Variants in ATP8A2 observed in about 807,000 individuals in gnomAD.
The protein encoded by ATP8A2 is phospholipid-transporting ATPase IB.
ATP8A2 carries 100 observed loss-of-function variants against 165.6 expected under a neutral mutation model. That is an observed-to-expected ratio of 0.60 (90% confidence interval 0.51 to 0.71). The LOEUF (loss-of-function observed/expected upper bound fraction) is 0.71, where lower values mean the gene tolerates loss of function less well. ATP8A2 is among the 30% of genes least tolerant of loss of function. ATP8A2 has a pLI of 0.00. For synonymous variants in ATP8A2, 543 were observed against 548.8 expected (o/e 0.99, Z 0.15); for missense variants, 1,227 against 1,479.5 (o/e 0.83, Z 2.80).
At chr13:25,811,145 T>C (rs558285335) in intron 27 of ATP8A2, among the ~76,000 whole-genome samples, 297 of 152,290 alleles carry the variant, frequency 2.0e-3, no homozygotes, top group African/African-American at 6.5e-3. Context: ...TGGAGTTTTT[T>C]CCCTCTTAAC....
At chr13:25,487,678 C>A (rs1219535523) in intron 2 of ATP8A2, among the ~76,000 whole-genome samples, 2 of 152,162 alleles carry the variant, frequency 1.3e-5, no homozygotes, top group African/African-American at 4.8e-5. Flanking sequence ...AGGTAAGGTG[C>A]ATATCGAATA....
intron 33 of ATP8A2, among the ~76,000 whole-genome samples, chr13:25,951,002 A>T (rs1955340209): frequency 1.3e-5 from 2 of 152,148 alleles, no homozygotes; most frequent in African/African-American, 4.8e-5. Flanking sequence ...GCTGCTGAGG[A>T]TGTGGAGCAA....
At chr13:25,568,901 T>C (rs1280412344) in intron 16 of ATP8A2, among the ~76,000 whole-genome samples, 1 of 152,118 alleles carries the variant, frequency 6.6e-6, no homozygotes, top group Non-Finnish European at 1.5e-5. Flanking sequence ...TAGAATGCAA[T>C]AGGAAGAAAA....
chr13:25,402,716 T>C (rs1422325422), intron 1 of ATP8A2, among the ~76,000 whole-genome samples: 2 of 152,216 alleles, frequency 1.3e-5, no homozygotes, highest in African/African-American at 4.8e-5. Context: ...GATTTGGCCC[T>C]GAGGGCTCCG....
chr13:25,838,786 C>T (rs1417039773), intron 29 of ATP8A2, among the ~76,000 whole-genome samples: 1 of 151,636 alleles, frequency 6.6e-6, no homozygotes, highest in Non-Finnish European at 1.5e-5. Context: ...CCAAGATGGC[C>T]GAATAGGAAT....
intron 24 of ATP8A2, among the ~76,000 whole-genome samples, chr13:25,612,135 A>G (rs964549249): frequency 6.6e-6 from 1 of 151,868 alleles, no homozygotes; most frequent in Non-Finnish European, 1.5e-5. Flanking sequence ...AATTTTATTT[A>G]GTTATGCTCT....
chr13:25,961,681 G>A lies in ATP8A2; in HGVS notation c.3272+18G>A. ...TGGAGAGCGTAAGTTTAACAGTGAA[G>A]CGGGGACCCTAAGTCTGGCTCATCT... On this transcript the variant is annotated intron_variant, in intron 34 of 36. Coordinates refer to ENST00000381655, the MANE Select transcript of ATP8A2 (RefSeq NM_016529.6). The A allele has an allele frequency of 6.3e-7, 1 of 1,583,290 alleles. No individual in the cohort carries two copies. The highest frequency in any genetic ancestry group is 8.7e-7 in the Non-Finnish European group (1 of 1,152,004).
rs145020139 is a variant in ATP8A2, at chr13:25,886,725, G to A, written c.3183+24317G>A. On this transcript the variant is annotated intron_variant, in intron 33 of 36. Coordinates refer to ENST00000381655, the MANE Select transcript of ATP8A2 (RefSeq NM_016529.6). Reference sequence around the variant, plus strand: ...TGCCATCTGATAGCTGTTCCATAGCGTATAGGAAAACAGCTGAGACTCAGG... The same window carrying A: ...TGCCATCTGATAGCTGTTCCATAGCATATAGGAAAACAGCTGAGACTCAGG... Among the ~76,000 whole-genome samples, 236 of 152,310 alleles carry A rather than the reference G, an allele frequency of 1.5e-3. 1 individual carries two copies. Among genetic ancestry groups the A allele is most frequent in the African/African-American group, 5.2e-3 (217 of 41,566 alleles).
chr13:25,612,170 G>T (rs561720594), intron 24 of ATP8A2, among the ~76,000 whole-genome samples: 125 of 151,588 alleles, frequency 8.2e-4, no homozygotes, highest in Middle Eastern at 3.4e-3. Flanking sequence ...CTTTTTTTCT[G>T]CTGGGTTTGG....
Position 25,983,623 on chromosome 13 carries a change from T to C in ATP8A2, c.3377+14944T>C, listed in dbSNP as rs118150590. Among the ~76,000 whole-genome samples, 986 of 152,262 alleles carry C rather than the reference T, an allele frequency of 6.5e-3. 5 individuals are homozygous for C. Among genetic ancestry groups the C allele is most frequent in the Middle Eastern group, 0.027 (8 of 294 alleles). On this transcript the variant is annotated intron_variant, in intron 35 of 36. Coordinates refer to ENST00000381655, the MANE Select transcript of ATP8A2 (RefSeq NM_016529.6). ...GGGGTCAACTTGGATAAAACTAGGG[T>C]TTCTGAGAACTTTCCAGGCATGGTT...
Position 25,577,119 on chromosome 13 carries a change from G to T in ATP8A2, c.1763G>T (p.Arg588Leu). Reference protein sequence around the residue: ...VIVRTPSGRLRLYCKGADNVI... With the variant: ...VIVRTPSGRLLLYCKGADNVI... Reference sequence around the variant, plus strand: ...GTTCGAACTCCTTCAGGACGACTTCGGCTTTACTGTAAAGGGGCTGTAAGT... The same window carrying T: ...GTTCGAACTCCTTCAGGACGACTTCTGCTTTACTGTAAAGGGGCTGTAAGT... Residue 588 changes from arginine (R) to leucine (L), a missense_variant, in exon 20 of 37, where the codon CGG becomes CTG. Arg to Leu is a moderately radical substitution (Grantham distance 102, BLOSUM62 -2). Transcript: ENST00000381655. 1 of 1,613,854 alleles carries T rather than the reference G, an allele frequency of 6.2e-7. No homozygotes were observed. Among genetic ancestry groups the T allele is most frequent in the Non-Finnish European group, 8.5e-7 (1 of 1,179,888 alleles).
intron 2 of ATP8A2, among the ~76,000 whole-genome samples, chr13:25,524,965 T>C (rs545844775): frequency 5.9e-5 from 9 of 151,850 alleles, no homozygotes; most frequent in Admixed American, 2.6e-4. Context: ...AGTCCTTCTT[T>C]TCTTTTTTCC....
intron 25 of ATP8A2, among the ~76,000 whole-genome samples, chr13:25,745,954 C>A (rs964266506): frequency 6.6e-6 from 1 of 152,214 alleles, no homozygotes; most frequent in Non-Finnish European, 1.5e-5. Flanking sequence ...AGGCTGACTA[C>A]ATCCTATCAT....
chr13:25,835,253 A>G (rs899169976), intron 28 of ATP8A2, among the ~76,000 whole-genome samples: 21 of 152,148 alleles, frequency 1.4e-4, no homozygotes, highest in Non-Finnish European at 2.5e-4. Flanking sequence ...GTCCAGCTAT[A>G]AAACAAACAA....
intron 24 of ATP8A2, among the ~76,000 whole-genome samples, chr13:25,613,281 A>T (rs2040736104): frequency 6.6e-6 from 1 of 152,118 alleles, no homozygotes; most frequent in African/African-American, 2.4e-5. Flanking sequence ...TAAGATTTAG[A>T]GCTTCTTTTA....
chr13:25,769,059 C>T lies in ATP8A2; in HGVS notation c.2398C>T (p.Gln800Ter), dbSNP rs2044558735. Residue 800 changes from glutamine (Q) to a stop codon, truncating the protein, a stop_gained, in exon 26 of 37, where the codon CAG becomes TAG. Transcript: ENST00000381655. LOFTEE classifies it high-confidence loss of function. The stretch of plus-strand genomic sequence containing the variant: ...CTTTTCTCACAGAGTGTCTCCTCTG[C>T]AGAAGTCTGAGATAGTGGATGTGGT... ...AVICCRVSPLQKSEIVDVVKK... is the reference protein window; with the variant it reads ...AVICCRVSPL 1 of 1,614,116 alleles carries T rather than the reference C, an allele frequency of 6.2e-7. No individual in the cohort carries two copies. The highest frequency in any genetic ancestry group is 8.5e-7 in the Non-Finnish European group (1 of 1,179,990).
chr13:25,748,780 C>T (rs985911180), intron 25 of ATP8A2, among the ~76,000 whole-genome samples: 2 of 152,132 alleles, frequency 1.3e-5, no homozygotes, highest in African/African-American at 4.8e-5. Flanking sequence ...TACTTGTGAC[C>T]CGCTTACATT....
chr13:26,020,228 C>T lies in ATP8A2; in HGVS notation c.*243C>T, dbSNP rs1957062692. 1 of 537,446 alleles carries T rather than the reference C, an allele frequency of 1.9e-6. No homozygotes were observed. The highest frequency in any genetic ancestry group is 3.3e-6 in the Non-Finnish European group (1 of 300,700). 33.3% of individuals were successfully genotyped at this position (537,446 alleles called of 1,614,324 possible). A position where few individuals can be genotyped will look rare whatever the true frequency, so the allele number is the denominator to read the frequency against. On this transcript the variant is annotated 3_prime_UTR_variant, in exon 37 of 37. Coordinates refer to ENST00000381655, the MANE Select transcript of ATP8A2 (RefSeq NM_016529.6). ...TGCTTAGCCTAACTTTTGTTTATGT[C>T]GTTATGAAGCATTCAACTGTGCTCT...
chr13:25,886,689 G>T (rs1311839028), intron 33 of ATP8A2, among the ~76,000 whole-genome samples: 1 of 152,208 alleles, frequency 6.6e-6, no homozygotes, highest in East Asian at 1.9e-4. Flanking sequence ...TGGCAGCCCA[G>T]AGCCTCTTCG....
Sources: allele counts gnomAD v4.1 joint callset (sites outside exome capture counted in the v4.1 genomes callset), GRCh38; gene constraint gnomAD v4.1.1; transcripts MANE v1.5; gene names NCBI Gene and HGNC (gene_info 2026-07-23, HGNC 2026-07-21).